The following RIT2 variants were observed in gnomAD, a reference collection of about 807,000 sequenced individuals.
RIT2 encodes GTP-binding protein Rit2.
In RIT2, 24 loss-of-function variants were observed where a neutral mutation model predicts 23.7. The ratio of observed to expected loss-of-function variants is 1.01; its 90% confidence interval spans 0.73 to 1.43. The LOEUF (loss-of-function observed/expected upper bound fraction) is 1.43, where lower values mean the gene tolerates loss of function less well. RIT2 is among the 40% of genes most tolerant of loss of function. The probability of loss-of-function intolerance (pLI) is 0.00; values close to 1 mark genes in which losing one functional copy is unlikely to be tolerated. For missense variants in RIT2, 236 were observed against 266.9 expected (o/e 0.88, Z 0.81); for synonymous variants, 107 against 91.1 (o/e 1.17, Z -0.99).
chr18:43,064,052 A>C (rs1031571884), intron 1 of RIT2, among the ~76,000 whole-genome samples: 1 of 152,212 alleles, frequency 6.6e-6, no homozygotes, highest in Non-Finnish European at 1.5e-5. Flanking sequence ...GCAATACTGG[A>C]AGCAGAAACA....
In RIT2 at chr18:43,095,351, G is replaced by A. The variant is rs560152258; in HGVS notation, c.103+20066C>T. ...TTTTCCATGTGTCTGTTGGCTGCAC[G>A]AATGTCTTCTTTTGAGAAGTGTCTA... On this transcript the variant is annotated intron_variant, in intron 1 of 4. Transcript: ENST00000326695. Among the ~76,000 whole-genome samples, 84 of 151,968 alleles carry A rather than the reference G, an allele frequency of 5.5e-4. 1 individual carries two copies. The South Asian group carries it at 0.016, about 29-fold the overall frequency.
At chr18:42,908,314 G>T (rs7226659) in intron 4 of RIT2, among the ~76,000 whole-genome samples, 10,381 of 152,054 alleles carry the variant, frequency 0.068, 1,299 homozygotes, top group East Asian at 0.6. Context: ...CAATAACAAA[G>T]ATCTGACATT....
At chr18:43,087,165 C>T (rs528697027) in intron 1 of RIT2, among the ~76,000 whole-genome samples, 4 of 151,998 alleles carry the variant, frequency 2.6e-5, no homozygotes, top group African/African-American at 9.6e-5. Context: ...TCACTTGAGC[C>T]TGGGAGGTGG....
intron 2 of RIT2, among the ~76,000 whole-genome samples, chr18:42,989,618 A>T (rs1034999904): frequency 6.6e-6 from 1 of 152,174 alleles, no homozygotes; most frequent in Non-Finnish European, 1.5e-5. Context: ...GAACGTGTCA[A>T]TTTGGACTAG....
intron 1 of RIT2, among the ~76,000 whole-genome samples, chr18:43,107,088 G>A (rs770755965): frequency 2.6e-5 from 4 of 152,084 alleles, no homozygotes; most frequent in Non-Finnish European, 4.4e-5. Context: ...ACACACACAC[G>A]CACAGAAATA....
chr18:43,070,410 T>G (rs1190407783), intron 1 of RIT2, among the ~76,000 whole-genome samples: 2 of 152,194 alleles, frequency 1.3e-5, no homozygotes, highest in Non-Finnish European at 2.9e-5. Context: ...AATGGCAAGC[T>G]ATAATGGAGA....
intron 3 of RIT2, among the ~76,000 whole-genome samples, chr18:42,935,259 A>C (rs895632258): frequency 3.3e-5 from 5 of 152,210 alleles, no homozygotes; most frequent in Non-Finnish European, 5.9e-5. Context: ...AGAGCTGAGC[A>C]GATGCTGAGA....
intron 1 of RIT2, among the ~76,000 whole-genome samples, chr18:43,101,983 GTTTA>G (rs1355158564): frequency 2.0e-5 from 3 of 152,100 alleles, no homozygotes; most frequent in African/African-American, 7.2e-5. Flanking sequence ...TTTTCTGTAT[GTTTA>G]TTTGCTTTTC....
intron 4 of RIT2, among the ~76,000 whole-genome samples, chr18:42,784,886 A>G (rs1913890714): frequency 6.6e-6 from 1 of 152,078 alleles, no homozygotes; most frequent in Non-Finnish European, 1.5e-5. Context: ...TTTCCTTGCT[A>G]TGTATCATTA....
At chr18:42,925,946 C>A (rs1288243939) in intron 3 of RIT2, among the ~76,000 whole-genome samples, 2 of 151,386 alleles carry the variant, frequency 1.3e-5, no homozygotes, top group African/African-American at 2.4e-5. Context: ...TATACATGTA[C>A]CATAATTTAT....
At chr18:42,881,282 A>G (rs1309152057) in intron 4 of RIT2, among the ~76,000 whole-genome samples, 1 of 152,232 alleles carries the variant, frequency 6.6e-6, no homozygotes, top group Non-Finnish European at 1.5e-5. Flanking sequence ...TCAATAATTC[A>G]CATATATTTT....
intron 1 of RIT2, among the ~76,000 whole-genome samples, chr18:43,083,904 G>C (rs1273971432): frequency 6.6e-6 from 1 of 151,782 alleles, no homozygotes; most frequent in African/African-American, 2.4e-5. Context: ...TAAATGAAAG[G>C]GCTTCTGCAC....
intron 4 of RIT2, among the ~76,000 whole-genome samples, chr18:42,833,416 T>C (rs1334014291): frequency 1.3e-5 from 2 of 152,194 alleles, no homozygotes; most frequent in African/African-American, 2.4e-5. Context: ...TTCCATACCA[T>C]TGCTGTTGTG....
At chr18:43,102,303 TG>T (rs1401151783) in intron 1 of RIT2, among the ~76,000 whole-genome samples, 1 of 152,194 alleles carries the variant, frequency 6.6e-6, no homozygotes, top group Non-Finnish European at 1.5e-5. Flanking sequence ...AAGAAACAAT[TG>T]TTCTTTGTTA....
At chr18:43,041,110 G>A (rs1912118850) in intron 1 of RIT2, among the ~76,000 whole-genome samples, 1 of 152,072 alleles carries the variant, frequency 6.6e-6, no homozygotes, top group Non-Finnish European at 1.5e-5. Flanking sequence ...GGTTAACTAT[G>A]TGGTCATCAT....
Position 42,782,017 on chromosome 18 carries a change from T to C in RIT2, c.427-38297A>G, listed in dbSNP as rs546402499. ...TTATAACAACTCCTTGAAAATATAT[T>C]AAAGATTAGCTTCAAGTTTCAGAAA... On this transcript the variant is annotated intron_variant, in intron 4 of 4. Transcript: ENST00000326695. 9.2e-4 allele frequency among the ~76,000 whole-genome samples: 140 copies of C among 152,308 alleles called. No homozygotes were observed. The Middle Eastern group carries it at 0.014, about 15-fold the overall frequency.
intron 3 of RIT2, among the ~76,000 whole-genome samples, chr18:42,955,376 C>T (rs1909947784): frequency 6.6e-6 from 1 of 152,096 alleles, no homozygotes; most frequent in South Asian, 2.1e-4. Flanking sequence ...AAGGCAGAAG[C>T]CAGCTGACCA....
At chr18:42,874,354 TCTA>T (rs1177230640) in intron 4 of RIT2, among the ~76,000 whole-genome samples, 1 of 152,150 alleles carries the variant, frequency 6.6e-6, no homozygotes, top group African/African-American at 2.4e-5. Flanking sequence ...GAAGTTTTCT[TCTA>T]CTTTTTTATA....
chr18:42,902,414 G>GA (rs1207871999), intron 4 of RIT2, among the ~76,000 whole-genome samples: 1 of 151,708 alleles, frequency 6.6e-6, no homozygotes, highest in Non-Finnish European at 1.5e-5. Flanking sequence ...TGCAACCAGT[G>GA]AAAGTCCCAT....
Sources: gnomAD v4.1 joint callset for allele counts (sites outside exome capture counted in the v4.1 genomes callset) on GRCh38, gnomAD v4.1.1 for gene constraint, MANE v1.5 for transcripts, NCBI Gene and HGNC (gene_info 2026-07-23, HGNC 2026-07-21) for gene names.